SPIDR: variants seen among roughly 807,000 people sequenced by gnomAD.
SPIDR encodes DNA repair-scaffolding protein.
In SPIDR, 93 loss-of-function variants were observed where a neutral mutation model predicts 104.6. That is an observed-to-expected ratio of 0.89 (90% CI 0.75 to 1.06). SPIDR has a LOEUF of 1.06. SPIDR is among the 50% of genes least tolerant of loss of function. The pLI is 0.00. For synonymous variants in SPIDR, 431 were observed against 416.9 expected (o/e 1.03, Z -0.41); for missense variants, 1,154 against 1,111.2 (o/e 1.04, Z -0.55).
At chr8:47,570,938 A>G (rs1240994265) in intron 8 of SPIDR, among the ~76,000 whole-genome samples, 1 of 152,114 alleles carries the variant, frequency 6.6e-6, no homozygotes, top group Non-Finnish European at 1.5e-5. Flanking sequence ...TAAAAATACA[A>G]AAATTAGCCA....
Position 47,677,045 on chromosome 8 carries a change from T to C in SPIDR, c.1685+3104T>C, listed in dbSNP as rs2076534194. On this transcript the variant is annotated intron_variant, in intron 11 of 19. Coordinates refer to ENST00000297423, the MANE Select transcript of SPIDR (RefSeq NM_001080394.4). ...CTTCGGTTTAAAAACTGTACAGTTT[T>C]CACAACAGTGCCAGTCTGATGTATG... is the stretch of plus-strand genomic sequence containing the variant. 2.6e-5 allele frequency among the ~76,000 whole-genome samples: 4 copies of C among 152,350 alleles called. No homozygotes were observed. The South Asian group carries it at 8.3e-4, about 32-fold the overall frequency.
At chr8:47,553,431 C>T (rs1439764691) in intron 8 of SPIDR, among the ~76,000 whole-genome samples, 2 of 152,156 alleles carry the variant, frequency 1.3e-5, no homozygotes, top group Non-Finnish European at 2.9e-5. Context: ...TTTTTGGAGG[C>T]ATTGTTCGTT....
At chr8:47,417,641 G>T (rs1327719505) in intron 7 of SPIDR, among the ~76,000 whole-genome samples, 1 of 152,140 alleles carries the variant, frequency 6.6e-6, no homozygotes, top group Admixed American at 6.5e-5. Context: ...GATCCCATTT[G>T]TCAATTTTGG....
intron 5 of SPIDR, among the ~76,000 whole-genome samples, chr8:47,346,369 C>T (rs1360382816): frequency 6.6e-6 from 1 of 152,132 alleles, no homozygotes; most frequent in Non-Finnish European, 1.5e-5. Context: ...ATTCAGTTTG[C>T]CAATATTTAA....
At chr8:47,339,314 C>T (rs2050302871) in intron 5 of SPIDR, among the ~76,000 whole-genome samples, 1 of 152,130 alleles carries the variant, frequency 6.6e-6, no homozygotes, top group Non-Finnish European at 1.5e-5. Context: ...TTACTATGAT[C>T]CTACTATTTT....
chr8:47,419,344 T>C (rs2064984705), intron 7 of SPIDR: 1 of 152,200 alleles, frequency 6.6e-6, no homozygotes, highest in Admixed American at 6.5e-5. Flanking sequence ...GGTTTAGTCT[T>C]GGAAGGGTGT....
intron 1 of SPIDR, among the ~76,000 whole-genome samples, chr8:47,270,743 A>T (rs1166292529): frequency 6.6e-6 from 1 of 152,102 alleles, no homozygotes; most frequent in Non-Finnish European, 1.5e-5. Context: ...AGCTGCATCT[A>T]TAGGTTTTAG....
rs1445094408 is a variant in SPIDR, at chr8:47,424,807, C to T, written c.878-15516C>T. On this transcript the variant is annotated intron_variant, in intron 7 of 19. Coordinates refer to ENST00000297423, the MANE Select transcript of SPIDR (RefSeq NM_001080394.4). ...CTGGAGTGCAGTGGCGCAGCCTTGG[C>T]TCACTGTAACCTCCGCCTCCTGGGT... 2.6e-5 allele frequency among the ~76,000 whole-genome samples: 4 copies of T among 152,148 alleles called. No homozygotes were observed. In the East Asian group the frequency reaches 7.7e-4, roughly 29 times the overall value.
At chr8:47,263,569 T>C (rs958969977) in intron 1 of SPIDR, among the ~76,000 whole-genome samples, 19 of 152,336 alleles carry the variant, frequency 1.2e-4, no homozygotes, top group African/African-American at 4.6e-4. Flanking sequence ...TCCGCCCGCC[T>C]CGGCCTCCCA....
At chr8:47,342,775 C>G (rs1404442110) in intron 5 of SPIDR, among the ~76,000 whole-genome samples, 1 of 152,092 alleles carries the variant, frequency 6.6e-6, no homozygotes, top group Non-Finnish European at 1.5e-5. Flanking sequence ...CTTGGCTACC[C>G]TTTCTTTCTG....
chr8:47,280,012 A>T lies in SPIDR; in HGVS notation c.184A>T (p.Asn62Tyr). The T allele has an allele frequency of 6.2e-7, 1 of 1,613,320 alleles. No individual in the cohort carries two copies. The highest frequency in any genetic ancestry group is 1.3e-5 in the African/African-American group (1 of 74,988). The change falls in exon 2 of 20, where the codon AAT becomes TAT. Residue 62 changes from asparagine (N) to tyrosine (Y), a missense_variant. Physicochemically the swap from Asn to Tyr is moderately radical, Grantham distance 143 (BLOSUM62 -2). Transcript: ENST00000297423. ...AGAAGGGTTTCAGAACACTTCTGGG[A>T]ATCCGGTAAAGTATCTGTAGAATTG... ...CGEGFQNTSGNPSLTAEEKTI... is the reference protein window; with the variant it reads ...CGEGFQNTSGYPSLTAEEKTI...
chr8:47,389,377 A>G (rs1289231703), intron 5 of SPIDR, among the ~76,000 whole-genome samples: 3 of 152,120 alleles, frequency 2.0e-5, no homozygotes, highest in African/African-American at 7.2e-5. Context: ...TTTTTTTTGT[A>G]AGGATGATTT....
intron 10 of SPIDR, among the ~76,000 whole-genome samples, chr8:47,658,678 T>TA (rs747917555): frequency 2.6e-5 from 4 of 151,886 alleles, no homozygotes. Context: ...CTCACGCCTG[T>TA]AATCCCAGCA....
chr8:47,320,796 T>C (rs192786961), intron 5 of SPIDR, among the ~76,000 whole-genome samples: 2 of 152,144 alleles, frequency 1.3e-5, no homozygotes, highest in East Asian at 1.9e-4. Context: ...GTTCAACATA[T>C]GCAAATCAAT....
At chr8:47,532,260 G>A (rs1263745381) in intron 8 of SPIDR, among the ~76,000 whole-genome samples, 1 of 151,678 alleles carries the variant, frequency 6.6e-6, no homozygotes, top group African/African-American at 2.4e-5. Flanking sequence ...GTAGAGATGG[G>A]GTTTCTCCAT....
intron 1 of SPIDR, among the ~76,000 whole-genome samples, chr8:47,270,531 G>A (rs1365943606): frequency 2.6e-5 from 4 of 151,450 alleles, no homozygotes; most frequent in African/African-American, 4.8e-5. Flanking sequence ...TCTCTTCCCC[G>A]CCCCCAAACC....
intron 8 of SPIDR, among the ~76,000 whole-genome samples, chr8:47,491,344 TTC>T (rs1554739371): frequency 7.2e-5 from 11 of 152,110 alleles, no homozygotes. Context: ...ATAAATAAAA[TTC>T]TGTTTATTTA....
intron 11 of SPIDR, among the ~76,000 whole-genome samples, chr8:47,679,074 C>G (rs752079329): frequency 5.9e-5 from 9 of 152,174 alleles, no homozygotes; most frequent in Non-Finnish European, 8.8e-5. Context: ...AGCACTGCCT[C>G]CCTTGCCTCC....
intron 19 of SPIDR, chr8:47,732,520 G>A (rs2085430123): frequency 3.1e-6 from 1 of 317,968 alleles, no homozygotes. Context: ...TGTGGGGTAA[G>A]TTCCAAGCCT....
Sources: allele counts gnomAD v4.1 joint callset (sites outside exome capture counted in the v4.1 genomes callset), GRCh38; gene constraint gnomAD v4.1.1; transcripts MANE v1.5; gene names NCBI Gene and HGNC (gene_info 2026-07-23, HGNC 2026-07-21).